The following BPTF variants were observed in gnomAD, a reference collection of about 807,000 sequenced individuals.
BPTF encodes nucleosome-remodeling factor subunit BPTF.
BPTF carries 18 observed loss-of-function variants against 292.5 expected under a neutral mutation model. The observed-to-expected ratio is 0.06, with a 90% CI of 0.04 to 0.09. The LOEUF (loss-of-function observed/expected upper bound fraction) is 0.09, where lower values mean the gene tolerates loss of function less well. Ranked by LOEUF, BPTF falls within the 10% of genes least tolerant of loss-of-function variation. The pLI is 1.00. For missense variants in BPTF, 2,726 were observed against 3,498.7 expected, an observed-to-expected ratio of 0.78 and a Z score of 5.57; for synonymous variants, 1,225 against 1,251.9, an observed-to-expected ratio of 0.98 and a Z score of 0.45.
At chr17:67,919,693 A>G (rs997145617) in intron 12 of BPTF, among the ~76,000 whole-genome samples, 1 of 152,222 alleles carries the variant, frequency 6.6e-6, no homozygotes, top group African/African-American at 2.4e-5. Context: ...TTGTTTAATT[A>G]AAAATTTAAA....
At chr17:67,909,526 T>C in intron 9 of BPTF, 56 bp from the exon 10 acceptor site, 1 of 1,147,898 alleles carries the variant, frequency 8.7e-7, no homozygotes, top group Non-Finnish European at 1.2e-6. Context: ...ACTTGACATA[T>C]TAAAGTGCTA....
At chr17:67,964,802 A>G (rs1167859460) in intron 25 of BPTF, among the ~76,000 whole-genome samples, 4 of 150,134 alleles carry the variant, frequency 2.7e-5, no homozygotes, top group Admixed American at 2.0e-4. Context: ...AGATCAGACC[A>G]TCCTGGCTAA....
intron 26 of BPTF, among the ~76,000 whole-genome samples, chr17:67,973,722 T>A (rs943471002): frequency 6.6e-6 from 1 of 151,998 alleles, no homozygotes; most frequent in African/African-American, 2.4e-5. Flanking sequence ...GCCAGGGTGG[T>A]CTCGGAACTC....
Position 67,945,450 on chromosome 17 carries a change from C to A in BPTF, c.6742C>A (p.Gln2248Lys), listed in dbSNP as rs782471084. ...GCAGAGTAAACTGTCACCCCAGATG[C>A]AGGTACATCAAGACAAAACCCTGCC... Reference protein sequence around the residue: ...QRQSKLSPQMQVHQDKTLPPA... With the variant: ...QRQSKLSPQMKVHQDKTLPPA... The change falls in exon 21 of 28, where the codon CAG becomes AAG. Residue 2248 changes from glutamine to lysine, a missense_variant. Gln to Lys is a moderately conservative substitution (Grantham distance 53). Coordinates refer to ENST00000306378, the MANE Select transcript of BPTF (RefSeq NM_182641.4). 2 of 1,614,016 alleles carry A rather than the reference C, an allele frequency of 1.2e-6. No homozygotes were observed. Among genetic ancestry groups the A allele is most frequent in the Non-Finnish European group, 1.7e-6 (2 of 1,179,974 alleles).
At position 67,854,808 on chromosome 17, in the gene BPTF, C is replaced by T; in HGVS notation, c.1436+46C>T. The T allele has an allele frequency of 7.1e-7, 1 of 1,403,420 alleles. No individual in the cohort carries two copies. Among genetic ancestry groups the T allele is most frequent in the Non-Finnish European group, 9.9e-7 (1 of 1,009,666 alleles). The allele number at this position is 1,403,420 out of a possible 1,614,324, so 86.9% of individuals were successfully genotyped here. On this transcript the variant is annotated intron_variant, in intron 2 of 27. Transcript: ENST00000306378. This position sits in a 1 kb window ranked among gnomAD's most constrained non-coding sequence, Gnocchi z 5.6. ...TTTTTTGTATGCATTTAAAATTAGA[C>T]TAGTTTCCTTCGTGATTGATGTAGC...
intron 3 of BPTF, among the ~76,000 whole-genome samples, chr17:67,870,800 C>A (rs368595283): frequency 9.3e-6 from 1 of 107,824 alleles, no homozygotes; most frequent in African/African-American, 3.5e-5. Context: ...GACGGAGTCT[C>A]GCTCTGTCGC....
In BPTF at chr17:67,843,813, T is replaced by C. The variant is rs1196585919; in HGVS notation, c.614-10127T>C. Among the ~76,000 whole-genome samples, 3 of 138,838 alleles carry C rather than the reference T, an allele frequency of 2.2e-5. No individual in the cohort carries two copies. In the Admixed American group the frequency reaches 2.3e-4, roughly 11 times the overall value. 91.1% of individuals were successfully genotyped at this position (138,838 alleles called of 152,430 possible). ...GGAGTTTTGCTCTTGTTGCCCAGGC[T>C]GGAATGCAATGGCGCAATCGTGGCT... On this transcript the variant is annotated intron_variant, in intron 1 of 27. Coordinates refer to ENST00000306378, the MANE Select transcript of BPTF (RefSeq NM_182641.4).
intron 19 of BPTF, among the ~76,000 whole-genome samples, chr17:67,941,755 A>G (rs1220661214): frequency 6.6e-5 from 10 of 152,234 alleles, no homozygotes; most frequent in Admixed American, 5.9e-4. Context: ...AGGTAAAACT[A>G]TAATACCTTT....
Position 67,893,896 on chromosome 17 carries a change from C to T in BPTF, c.2412-138C>T, listed in dbSNP as rs1280246929. 1.1e-5 allele frequency: 13 copies of T among 1,214,872 alleles called. No individual in the cohort carries two copies. The African/African-American group carries it at 1.5e-4, about 14-fold the overall frequency. The allele number at this position is 1,214,872 out of a possible 1,614,324, so 75.3% of individuals were successfully genotyped here. A position where few individuals can be genotyped will look rare whatever the true frequency, so the allele number is the denominator to read the frequency against. On this transcript the variant is annotated intron_variant, in intron 6 of 27. Transcript: ENST00000306378. ...GTACTTCTAACTTACTGAACCGACA[C>T]CACTAACTATTTGGAGGATTTTTAG...
chr17:67,877,298 T>G (rs2060109298), intron 4 of BPTF, among the ~76,000 whole-genome samples: 1 of 152,216 alleles, frequency 6.6e-6, no homozygotes, highest in African/African-American at 2.4e-5. Flanking sequence ...TGGCTCTCTA[T>G]GCAGTTATTT....
At chr17:67,828,181 C>T (rs1482264712) in intron 1 of BPTF, among the ~76,000 whole-genome samples, 5 of 152,104 alleles carry the variant, frequency 3.3e-5, no homozygotes, top group African/African-American at 7.2e-5. Flanking sequence ...CCGCCTACCT[C>T]GGCCTCCCAA....
intron 1 of BPTF, among the ~76,000 whole-genome samples, chr17:67,842,817 C>CAAAAAAA (rs60085248): frequency 4.2e-5 from 2 of 47,802 alleles, no homozygotes; most frequent in African/African-American, 7.6e-5. Flanking sequence ...CAATTAAGGC[C>CAAAAAAA]AAAAAAAAAA....
Position 67,950,700 on chromosome 17 carries a change from C to G in BPTF, c.7926+2394C>G, listed in dbSNP as rs2066269353. Among the ~76,000 whole-genome samples, 4 of 151,896 alleles carry G rather than the reference C, an allele frequency of 2.6e-5. No individual in the cohort carries two copies. The South Asian group carries it at 8.3e-4, about 32-fold the overall frequency. ...TAAAAATACAAAAAAATTAGTCAGG[C>G]ATGGTGGTGGGTGCCTGTAGTCCCA... On this transcript the variant is annotated intron_variant, in intron 23 of 27. Transcript: ENST00000306378.
intron 4 of BPTF, among the ~76,000 whole-genome samples, chr17:67,879,338 C>T (rs1210853192): frequency 6.6e-6 from 1 of 151,946 alleles, no homozygotes; most frequent in Non-Finnish European, 1.5e-5. Flanking sequence ...GACGGGGTTT[C>T]ACCATGTTGG....
chr17:67,925,321 T>C (rs2063780769), intron 15 of BPTF, among the ~76,000 whole-genome samples: 2 of 152,160 alleles, frequency 1.3e-5, no homozygotes, highest in South Asian at 4.1e-4. Flanking sequence ...TTTGTTGTAA[T>C]TGATTATTAT....
intron 23 of BPTF, chr17:67,957,341 A>G (rs1158963793): frequency 5.9e-5 from 9 of 152,200 alleles, no homozygotes; most frequent in African/African-American, 1.9e-4. Flanking sequence ...TTTTCCTGAG[A>G]GACTATAAAT....
At chr17:67,936,095 T>C (rs1204877981) in intron 18 of BPTF, among the ~76,000 whole-genome samples, 1 of 152,188 alleles carries the variant, frequency 6.6e-6, no homozygotes, top group Non-Finnish European at 1.5e-5. Flanking sequence ...GGGTAGGAAA[T>C]AATTTTCTTA....
intron 25 of BPTF, chr17:67,965,433 C>T (rs1437468932): frequency 6.6e-6 from 1 of 150,874 alleles, no homozygotes; most frequent in African/African-American, 2.4e-5. Flanking sequence ...TGTGGTTGCT[C>T]ACACCTATAA....
At chr17:67,954,326 C>G (rs573226338) in intron 23 of BPTF, among the ~76,000 whole-genome samples, 8 of 152,278 alleles carry the variant, frequency 5.3e-5, no homozygotes, top group Middle Eastern at 3.4e-3. Flanking sequence ...AGCCACCGTA[C>G]TCGGCCCTGG....
Sources: gnomAD v4.1 joint callset for allele counts (sites outside exome capture counted in the v4.1 genomes callset) on GRCh38, gnomAD v4.1.1 for gene constraint, Gnocchi (gnomAD v3.1) non-coding constraint, MANE v1.5 for transcripts, NCBI Gene and HGNC (gene_info 2026-07-23, HGNC 2026-07-21) for gene names.